Variants in MYO6 observed in about 807,000 individuals in gnomAD.
MYO6 encodes myosin VI.
A neutral mutation model predicts 178.7 loss-of-function variants in MYO6; 74 were observed. The observed-to-expected ratio is 0.41, with a 90% CI of 0.34 to 0.50. MYO6 has a LOEUF of 0.50. MYO6 is among the 20% of genes least tolerant of loss of function. MYO6 has a pLI of 0.09. For synonymous variants in MYO6, 477 were observed against 504.6 expected (o/e 0.95, Z 0.73); for missense variants, 1,330 against 1,547.4 (o/e 0.86, Z 2.36).
chr6:75,914,793 C>G lies in MYO6; in HGVS notation c.3659-20C>G. ...TCCTGAAGAGAGAGATGGTAATTTT[C>G]TGATATCTCATGAATACAGGTAAGG... On this transcript the variant is annotated intron_variant, in intron 34 of 34. Coordinates refer to ENST00000369977, the MANE Select transcript of MYO6 (RefSeq NM_004999.4). 1 of 1,611,906 alleles carries G rather than the reference C, an allele frequency of 6.2e-7. No homozygotes were observed. Among genetic ancestry groups the G allele is most frequent in the Non-Finnish European group, 8.5e-7 (1 of 1,178,002 alleles).
intron 9 of MYO6, 44 bp from the exon 10 acceptor site, chr6:75,844,853 T>C (rs761972014): frequency 2.7e-6 from 4 of 1,471,924 alleles, no homozygotes; most frequent in Non-Finnish European, 3.8e-6. Context: ...ATTATTTCCC[T>C]GTGGATCATA....
In MYO6 at chr6:75,917,039, T is replaced by C. The variant is rs6914716; in HGVS notation, c.*2027T>C. 60,071 of 152,090 alleles carry C rather than the reference T, an allele frequency of 0.39. 12,793 individuals are homozygous for C. Among genetic ancestry groups the C allele is most frequent in the Middle Eastern group, 0.54 (158 of 294 alleles). The allele number at this position is 152,090 out of a possible 1,614,324, so 9.4% of individuals were successfully genotyped here. On this transcript the variant is annotated 3_prime_UTR_variant, in exon 35 of 35. Coordinates refer to ENST00000369977, the MANE Select transcript of MYO6 (RefSeq NM_004999.4). ...GGGCAACTGCCCTAATTCAGATAGA[T>C]TTACAGTAACCTACGTACAGTAGAT... is the stretch of plus-strand genomic sequence containing the variant.
At chr6:75,855,476 C>G (rs1481475298) in intron 12 of MYO6, among the ~76,000 whole-genome samples, 193 bp downstream of exon 12, 2 of 152,052 alleles carry the variant, frequency 1.3e-5, no homozygotes, top group Non-Finnish European at 1.5e-5. Context: ...ATTTGGAATT[C>G]ATAAGGTAAG....
chr6:75,873,196 T>C lies in MYO6; in HGVS notation c.1984-11T>C. The stretch of plus-strand genomic sequence containing the variant: ...TATGTATTGTAACAAAAAGTACCTT[T>C]ATTTTCCTAGGGAGCAAGCTTTATT... On this transcript the variant is annotated splice_polypyrimidine_tract_variant and intron_variant, in intron 19 of 34. Transcript: ENST00000369977. 7 of 1,611,448 alleles carry C rather than the reference T, an allele frequency of 4.3e-6. 1 individual carries two copies. The South Asian group carries it at 4.4e-5, about 10-fold the overall frequency.
intron 15 of MYO6, among the ~76,000 whole-genome samples, chr6:75,861,896 C>T (rs1438520692): frequency 2.0e-5 from 3 of 152,134 alleles, no homozygotes; most frequent in African/African-American, 4.8e-5. Flanking sequence ...AACTCTTCCC[C>T]TTCCATTTGT....
intron 1 of MYO6, among the ~76,000 whole-genome samples, chr6:75,763,383 T>C (rs1778122376): frequency 6.6e-6 from 1 of 152,172 alleles, no homozygotes; most frequent in South Asian, 2.1e-4. Flanking sequence ...ATAATTTCTT[T>C]TGTAAAGAGA....
chr6:75,788,713 C>T (rs752426208), intron 1 of MYO6, among the ~76,000 whole-genome samples: 2 of 152,182 alleles, frequency 1.3e-5, no homozygotes, highest in African/African-American at 4.8e-5. Flanking sequence ...GTTAAGATTA[C>T]AGGCATGAAC....
chr6:75,889,651 G>A (rs1185462167), intron 25 of MYO6, among the ~76,000 whole-genome samples: 2 of 152,194 alleles, frequency 1.3e-5, no homozygotes, highest in African/African-American at 2.4e-5. Flanking sequence ...GACCTCAGGT[G>A]ATCTGTCCAC....
At position 75,915,305 on chromosome 6, in the gene MYO6, C is replaced by T. The variant is rs964961195; in HGVS notation, c.*293C>T. 6.9e-6 allele frequency: 3 copies of T among 435,770 alleles called. No individual in the cohort carries two copies. Among genetic ancestry groups the T allele is most frequent in the East Asian group, 4.8e-5 (1 of 20,750 alleles). 27.0% of individuals were successfully genotyped at this position (435,770 alleles called of 1,614,324 possible). ...CATCCTTTGCCAGAAGACTACCTTA[C>T]ATCCATCGTAATTGTTCTCTAGGAA... On this transcript the variant is annotated 3_prime_UTR_variant, in exon 35 of 35. Transcript: ENST00000369977.
intron 1 of MYO6, among the ~76,000 whole-genome samples, chr6:75,806,083 TG>T (rs762577467): frequency 3.4e-4 from 52 of 152,314 alleles, no homozygotes; most frequent in Middle Eastern, 6.8e-3. Flanking sequence ...AAGGATAATT[TG>T]TATTTAAATA....
intron 11 of MYO6, among the ~76,000 whole-genome samples, chr6:75,851,795 C>G (rs1017176663): frequency 6.6e-6 from 1 of 152,040 alleles, no homozygotes; most frequent in Non-Finnish European, 1.5e-5. Context: ...GAGCCATGAT[C>G]GCACCACTGC....
chr6:75,868,440 T>A (rs1776874214), intron 18 of MYO6, among the ~76,000 whole-genome samples: 1 of 152,082 alleles, frequency 6.6e-6, no homozygotes, highest in African/African-American at 2.4e-5. Context: ...GTAGTATTGC[T>A]GATAAGAGCA....
At chr6:75,784,129 G>T (rs1767271222) in intron 1 of MYO6, among the ~76,000 whole-genome samples, 1 of 151,982 alleles carries the variant, frequency 6.6e-6, no homozygotes, top group African/African-American at 2.4e-5. Flanking sequence ...ATGCCACCAT[G>T]CCCGGCTAAT....
Position 75,891,268 on chromosome 6 carries a change from G to C in MYO6, c.2908G>C (p.Glu970Gln). The C allele has an allele frequency of 1.2e-6, 2 of 1,609,672 alleles. No homozygotes were observed. The highest frequency in any genetic ancestry group is 1.7e-6 in the Non-Finnish European group (2 of 1,177,256). Residue 970 changes from glutamate (E) to glutamine (Q), a missense_variant, in exon 27 of 35, where the codon GAG becomes CAG. Physicochemically the swap from Glu to Gln is conservative, Grantham distance 29. Around this residue, in one of 3 missense-constraint regions of MYO6, gnomAD observed 601 missense variants for 626.1 expected, o/e 0.96. Transcript: ENST00000369977. ...AGCAAAGAGAAAACAAGAAGAAGAAGAGAGAAAGAAAAGGGAAGATGATGA... is the reference window on the plus strand; with the variant it reads ...AGCAAAGAGAAAACAAGAAGAAGAACAGAGAAAGAAAAGGGAAGATGATGA... The part of the protein sequence containing the change: ...MEAKRKQEEE[E>Q]RKKREDDEKR...
At chr6:75,822,899 T>C (rs1403737720) in intron 3 of MYO6, 48 bp downstream of exon 3, 4 of 1,446,468 alleles carry the variant, frequency 2.8e-6, no homozygotes, top group African/African-American at 1.4e-5. Flanking sequence ...AAGGAGACTG[T>C]TCTTTTAAAA....
In MYO6 at chr6:75,903,937, T is replaced by G. The variant is rs572548351; in HGVS notation, c.3177-3668T>G. On this transcript the variant is annotated intron_variant, in intron 30 of 34. Coordinates refer to ENST00000369977, the MANE Select transcript of MYO6 (RefSeq NM_004999.4). ...GGGCAGGCCTGGTGGTGACAAAATC[T>G]CTCAGCATTTGCTTGTCTGTGAAGT... Among the ~76,000 whole-genome samples, 840 of 151,834 alleles carry G rather than the reference T, an allele frequency of 5.5e-3. 7 individuals are homozygous for G. Among genetic ancestry groups the G allele is most frequent in the Non-Finnish European group, 9.1e-3 (617 of 67,788 alleles).
At chr6:75,862,452 T>C (rs1776282893) in intron 15 of MYO6, 144 bp from the exon 16 acceptor site, 4 of 757,458 alleles carry the variant, frequency 5.3e-6, no homozygotes, top group Middle Eastern at 3.6e-4. Flanking sequence ...GTCAGCTCTC[T>C]ATAACTTTTG....
At chr6:75,755,412 AG>A (rs1049015132) in intron 1 of MYO6, among the ~76,000 whole-genome samples, 5 of 152,156 alleles carry the variant, frequency 3.3e-5, no homozygotes, top group Admixed American at 3.3e-4. Flanking sequence ...CTGAAAAATT[AG>A]GGTCACTAAA....
At chr6:75,823,774 T>G (rs576070347) in intron 3 of MYO6, among the ~76,000 whole-genome samples, 1 of 152,346 alleles carries the variant, frequency 6.6e-6, no homozygotes, top group South Asian at 2.1e-4. Flanking sequence ...GTTAGGAGGC[T>G]GTCTGCTCGT....
Sources: allele counts gnomAD v4.1 joint callset (sites outside exome capture counted in the v4.1 genomes callset), GRCh38; gene constraint gnomAD v4.1.1; regional missense constraint gnomAD v4.1.1; transcripts MANE v1.5; gene names NCBI Gene and HGNC (gene_info 2026-07-23, HGNC 2026-07-21).